The following SYT16 variants were observed in gnomAD, a reference collection of about 807,000 sequenced individuals.
SYT16 encodes synaptotagmin 16, also known as synaptotagmin-16.
Under a neutral mutation model 61.4 loss-of-function variants are expected in SYT16, and 42 were observed. The observed-to-expected ratio is 0.68, with a 90% confidence interval of 0.53 to 0.89. SYT16 has a LOEUF of 0.89. Ranked by LOEUF, SYT16 falls within the 40% of genes least tolerant of loss-of-function variation. The pLI is 0.00. For synonymous variants in SYT16, 314 were observed against 302.3 expected (o/e 1.04, Z -0.40); for missense variants, 804 against 807.3 (o/e 1.00, Z 0.05).
chr14:62,098,444 C>T (rs1050228304), intron 7 of SYT16, among the ~76,000 whole-genome samples: 15 of 152,110 alleles, frequency 9.9e-5, no homozygotes, highest in Non-Finnish European at 1.8e-4. Context: ...TATGATGGTT[C>T]CATTCAGGAA....
intron 7 of SYT16, among the ~76,000 whole-genome samples, chr14:62,091,815 A>C (rs887597321): frequency 1.3e-5 from 2 of 152,230 alleles, no homozygotes; most frequent in African/African-American, 4.8e-5. Context: ...CTTGGATATG[A>C]CAACAAATGC....
At chr14:62,075,467 C>G in intron 5 of SYT16, 76 bp downstream of exon 5, 1 of 1,230,788 alleles carries the variant, frequency 8.1e-7, no homozygotes. Context: ...TCTCATCTCT[C>G]TAAAAAAAAA....
intron 5 of SYT16, chr14:62,079,351 T>C (rs1316668488): frequency 8.2e-7 from 1 of 1,212,448 alleles, no homozygotes; most frequent in Non-Finnish European, 1.1e-6. Flanking sequence ...CTAATTTGAA[T>C]CTTAAAAGAA....
chr14:61,848,483 C>T (rs1340920114), intron 1 of SYT16, among the ~76,000 whole-genome samples: 1 of 152,132 alleles, frequency 6.6e-6, no homozygotes, highest in Non-Finnish European at 1.5e-5. Flanking sequence ...GACATAAGCA[C>T]CCCTGTGGCC....
intron 2 of SYT16, among the ~76,000 whole-genome samples, chr14:61,972,258 G>A (rs938955530): frequency 6.6e-6 from 1 of 152,150 alleles, no homozygotes; most frequent in Non-Finnish European, 1.5e-5. Context: ...AGTTGGTGAT[G>A]TTTTCTCCTT....
intron 3 of SYT16, among the ~76,000 whole-genome samples, chr14:62,052,006 T>TA (rs1566800354): frequency 6.6e-6 from 1 of 152,158 alleles, no homozygotes; most frequent in Non-Finnish European, 1.5e-5. Flanking sequence ...GGAAACATTT[T>TA]AAAAAAATGC....
chr14:61,890,274 A>G (rs545784227), intron 1 of SYT16, among the ~76,000 whole-genome samples: 17 of 152,286 alleles, frequency 1.1e-4, no homozygotes, highest in African/African-American at 3.8e-4. Flanking sequence ...AAGAGGGGCC[A>G]GGGGAGTTCC....
chr14:61,853,082 C>A (rs1458908126), intron 1 of SYT16, among the ~76,000 whole-genome samples: 1 of 152,116 alleles, frequency 6.6e-6, no homozygotes, highest in Non-Finnish European at 1.5e-5. Context: ...CCATGCCCAA[C>A]TAATTTTTGT....
chr14:61,981,792 T>G (rs190969270), intron 2 of SYT16, among the ~76,000 whole-genome samples: 165 of 152,234 alleles, frequency 1.1e-3, no homozygotes, highest in African/African-American at 3.9e-3. Flanking sequence ...ACGTTTACAG[T>G]TGGAATATGA....
At chr14:61,886,027 C>T (rs573648418) in intron 1 of SYT16, among the ~76,000 whole-genome samples, 9 of 148,030 alleles carry the variant, frequency 6.1e-5, no homozygotes, top group Admixed American at 2.0e-4. Context: ...TGCAGTGGAG[C>T]GATCTTGGCT....
intron 1 of SYT16, among the ~76,000 whole-genome samples, chr14:61,954,705 C>T (rs1037360220): frequency 4.6e-5 from 7 of 152,088 alleles, no homozygotes; most frequent in Non-Finnish European, 8.8e-5. Flanking sequence ...TAAAGCTTCC[C>T]TGTCAAAGTC....
At chr14:62,087,509 G>A (rs770398239) in intron 7 of SYT16, among the ~76,000 whole-genome samples, 1 of 152,192 alleles carries the variant, frequency 6.6e-6, no homozygotes, top group African/African-American at 2.4e-5. Context: ...ATAAAGAATG[G>A]TTCTTAGGGA....
intron 1 of SYT16, among the ~76,000 whole-genome samples, chr14:61,950,533 A>C (rs1478518225): frequency 6.6e-6 from 1 of 152,224 alleles, no homozygotes; most frequent in Non-Finnish European, 1.5e-5. Context: ...GATGATGTGC[A>C]GCAGAGTGAT....
Position 62,108,240 on chromosome 14 carries a change from C to T in SYT16, c.*7533C>T, listed in dbSNP as rs1237383061. 1.3e-5 allele frequency: 2 copies of T among 152,170 alleles called. No individual in the cohort carries two copies. The highest frequency in any genetic ancestry group is 2.4e-5 in the African/African-American group (1 of 41,428). The allele number at this position is 152,170 out of a possible 1,614,324, so 9.4% of individuals were successfully genotyped here. ...AATGGATTTATTGTTTATAATTCTA[C>T]TAAACATGTCTTAGTCCACGCAAAT... is the stretch of plus-strand genomic sequence containing the variant. On this transcript the variant is annotated 3_prime_UTR_variant, in exon 8 of 8. Coordinates refer to ENST00000683842, the MANE Select transcript of SYT16 (RefSeq NM_001367656.1).
At chr14:62,009,168 G>T (rs2140691735) in intron 3 of SYT16, among the ~76,000 whole-genome samples, 1 of 152,256 alleles carries the variant, frequency 6.6e-6, no homozygotes, top group Middle Eastern at 3.4e-3. Flanking sequence ...ATTAGAAGTT[G>T]TCTGTTTGTT....
In SYT16 at chr14:62,073,022, C is replaced by T. The variant is rs141334982; in HGVS notation, c.737-2113C>T. 5.3e-5 allele frequency among the ~76,000 whole-genome samples: 8 copies of T among 152,158 alleles called. No homozygotes were observed. The East Asian group carries it at 9.7e-4, about 18-fold the overall frequency. On this transcript the variant is annotated intron_variant, in intron 4 of 7. Coordinates refer to ENST00000683842, the MANE Select transcript of SYT16 (RefSeq NM_001367656.1). Reference sequence around the variant, plus strand: ...CATGATCTTCTTTAATTTAAAGGCACGGGAAGACTGCTTTATGGAAAGGTG... The same window carrying T: ...CATGATCTTCTTTAATTTAAAGGCATGGGAAGACTGCTTTATGGAAAGGTG...
intron 3 of SYT16, among the ~76,000 whole-genome samples, chr14:62,019,484 C>T (rs992962621): frequency 8.5e-5 from 13 of 152,208 alleles, no homozygotes; most frequent in South Asian, 4.1e-4. Context: ...ATCTGAAATG[C>T]GAGGATAATG....
chr14:62,019,947 C>A (rs1280095019), intron 3 of SYT16, among the ~76,000 whole-genome samples: 1 of 152,136 alleles, frequency 6.6e-6, no homozygotes, highest in South Asian at 2.1e-4. Context: ...TGGAGATAGG[C>A]GGTAGTCAGA....
intron 1 of SYT16, among the ~76,000 whole-genome samples, chr14:61,816,003 A>G (rs1015236672): frequency 3.3e-5 from 5 of 152,140 alleles, no homozygotes; most frequent in Non-Finnish European, 5.9e-5. Context: ...ACTCTATTAT[A>G]CCCCAGAAAT....
Sources: allele counts gnomAD v4.1 joint callset (sites outside exome capture counted in the v4.1 genomes callset), GRCh38; gene constraint gnomAD v4.1.1; transcripts MANE v1.5; gene names NCBI Gene and HGNC (gene_info 2026-07-23, HGNC 2026-07-21).